PTPRM: variants seen among roughly 807,000 people sequenced by gnomAD.
PTPRM encodes protein tyrosine phosphatase receptor type M.
In PTPRM, 47 loss-of-function variants were observed where a neutral mutation model predicts 186.7. That is an observed-to-expected ratio of 0.25 (90% CI 0.20 to 0.32). The LOEUF is 0.32. PTPRM is among the 10% of genes least tolerant of loss of function. PTPRM has a pLI of 1.00. For missense variants in PTPRM, 1,494 were observed against 1,865.0 expected (o/e 0.80, Z 3.66); for synonymous variants, 668 against 674.9 (o/e 0.99, Z 0.16).
chr18:8,143,656 C>G lies in PTPRM; in HGVS notation c.2177C>G (p.Thr726Ser), dbSNP rs1371038531. The stretch of plus-strand genomic sequence containing the variant: ...TTCCTTTCATCTTCAGGAGCTGCCA[C>G]TCCGAAACCAGTCCCAGAACCCGAG... ...CVQVATKGAA[T>S]PKPVPEPEKQ... The change falls in exon 14 of 33, where the codon ACT becomes AGT. Residue 726 changes from threonine to serine, a missense_variant. By Grantham distance (58) the Thr-to-Ser change is moderately conservative. Coordinates refer to ENST00000580170, the MANE Select transcript of PTPRM (RefSeq NM_001105244.2). 1 of 1,598,074 alleles carries G rather than the reference C, an allele frequency of 6.3e-7. No individual in the cohort carries two copies. Among genetic ancestry groups the G allele is most frequent in the Non-Finnish European group, 8.6e-7 (1 of 1,165,590 alleles).
At chr18:7,629,990 A>G (rs911056424) in intron 1 of PTPRM, among the ~76,000 whole-genome samples, 1 of 152,068 alleles carries the variant, frequency 6.6e-6, no homozygotes, top group Non-Finnish European at 1.5e-5. Context: ...AGACCAGATC[A>G]TGGGGATAAG....
intron 2 of PTPRM, among the ~76,000 whole-genome samples, chr18:7,810,731 A>G (rs972164656): frequency 2.0e-5 from 3 of 152,202 alleles, no homozygotes; most frequent in Admixed American, 2.0e-4. Context: ...TGTCTCATGT[A>G]TGTAACCTTT....
At chr18:7,907,602 C>T (rs2050056491) in intron 4 of PTPRM, among the ~76,000 whole-genome samples, 1 of 152,130 alleles carries the variant, frequency 6.6e-6, no homozygotes, top group African/African-American at 2.4e-5. Context: ...GGGGGATAGT[C>T]AGGGTGAGCG....
intron 4 of PTPRM, among the ~76,000 whole-genome samples, chr18:7,918,925 G>A (rs980870825): frequency 6.6e-6 from 1 of 152,136 alleles, no homozygotes; most frequent in Admixed American, 6.5e-5. Flanking sequence ...ATAGCTTCAG[G>A]TCCTAGATTT....
intron 5 of PTPRM, among the ~76,000 whole-genome samples, chr18:7,936,338 C>A (rs1217090806): frequency 1.3e-5 from 2 of 152,230 alleles, no homozygotes; most frequent in South Asian, 2.1e-4. Flanking sequence ...CAGGAAGACA[C>A]CCCTGCACCT....
intron 1 of PTPRM, among the ~76,000 whole-genome samples, chr18:7,693,908 T>G (rs1248765003): frequency 6.6e-6 from 1 of 152,098 alleles, no homozygotes; most frequent in African/African-American, 2.4e-5. Context: ...GAGATAGGAC[T>G]GGCGTTTTCA....
At chr18:7,844,221 G>T (rs539555046) in intron 2 of PTPRM, among the ~76,000 whole-genome samples, 7 of 152,128 alleles carry the variant, frequency 4.6e-5, no homozygotes, top group Non-Finnish European at 8.8e-5. Context: ...CCATGATTGC[G>T]AAATACAATG....
intron 1 of PTPRM, among the ~76,000 whole-genome samples, chr18:7,690,200 A>G (rs1383922294): frequency 1.3e-5 from 2 of 152,252 alleles, no homozygotes; most frequent in African/African-American, 4.8e-5. Context: ...AGAAGAGCAC[A>G]TGTAAATACA....
intron 3 of PTPRM, among the ~76,000 whole-genome samples, chr18:7,895,012 T>C (rs1285094494): frequency 6.6e-6 from 1 of 152,242 alleles, no homozygotes; most frequent in African/African-American, 2.4e-5. Context: ...GATTAATGAA[T>C]TCTTTTAAAG....
intron 20 of PTPRM, among the ~76,000 whole-genome samples, chr18:8,305,639 A>G (rs2095213552): frequency 6.6e-6 from 1 of 152,192 alleles, no homozygotes; most frequent in Non-Finnish European, 1.5e-5. Context: ...ACTACACAGA[A>G]ATAGGGATAG....
chr18:7,894,973 A>C (rs2049276217), intron 3 of PTPRM, among the ~76,000 whole-genome samples: 2 of 152,230 alleles, frequency 1.3e-5, no homozygotes, highest in African/African-American at 4.8e-5. Context: ...ATTTCACACT[A>C]GTAAGTAGTT....
intron 17 of PTPRM, among the ~76,000 whole-genome samples, chr18:8,250,077 A>G (rs984808830): frequency 6.6e-6 from 1 of 152,194 alleles, no homozygotes; most frequent in Non-Finnish European, 1.5e-5. Flanking sequence ...TTACACAAAG[A>G]CAACAAGAAA....
At chr18:7,606,594 CAGTCACATATACTGCACATT>C (rs1318944606) in intron 1 of PTPRM, among the ~76,000 whole-genome samples, 1 of 152,118 alleles carries the variant, frequency 6.6e-6, no homozygotes, top group Non-Finnish European at 1.5e-5. Context: ...CATAAGCACA[CAGTCACATATACTGCACATT>C]AGATAGAGCG....
intron 7 of PTPRM, among the ~76,000 whole-genome samples, chr18:8,030,852 A>C (rs2085919027): frequency 6.6e-6 from 1 of 152,208 alleles, no homozygotes; most frequent in African/African-American, 2.4e-5. Flanking sequence ...TGTTTTATAT[A>C]AAAAATCACA....
chr18:7,996,633 A>C (rs1034643802), intron 7 of PTPRM, among the ~76,000 whole-genome samples: 1 of 152,138 alleles, frequency 6.6e-6, no homozygotes, highest in African/African-American at 2.4e-5. Flanking sequence ...TCTTATATTT[A>C]GAAATACCTT....
At chr18:7,967,896 A>G (rs2054256581) in intron 7 of PTPRM, among the ~76,000 whole-genome samples, 2 of 88,782 alleles carry the variant, frequency 2.3e-5, no homozygotes, top group East Asian at 2.6e-4. Flanking sequence ...GATATTATCC[A>G]GGAGAACTTC....
chr18:7,659,121 C>T (rs1183436405), intron 1 of PTPRM, among the ~76,000 whole-genome samples: 2 of 121,446 alleles, frequency 1.6e-5, no homozygotes, highest in Non-Finnish European at 3.3e-5. Flanking sequence ...TGTATGTACA[C>T]ACACACACAC....
chr18:8,240,658 AAAG>A lies in PTPRM; in HGVS notation c.2301-3397_2301-3395del, dbSNP rs1352299473. Among the ~76,000 whole-genome samples the A allele has an allele frequency of 1.0e-4, 3 of 29,072 alleles. No homozygotes were observed. In the Admixed American group the frequency reaches 1.1e-3, roughly 10 times the overall value. The allele number at this position is 29,072 out of a possible 152,430, so 19.1% of individuals were successfully genotyped here. ...GAGAGAGAGAGAGAGAGAGAGAAAG[AAAG>A]AAAGAAAGAAAGAAAGAAAAAGAAA... On this transcript the variant is annotated intron_variant, in intron 14 of 32. Transcript: ENST00000580170.
chr18:8,384,803 T>A, intron 30 of PTPRM, 117 bp downstream of exon 30: 9 of 1,325,644 alleles, frequency 6.8e-6, no homozygotes, highest in Admixed American at 6.4e-5. Context: ...AGTATGTCAG[T>A]GAACCAAAAA....
Sources: allele counts gnomAD v4.1 joint callset (sites outside exome capture counted in the v4.1 genomes callset), GRCh38; gene constraint gnomAD v4.1.1; transcripts MANE v1.5; gene names NCBI Gene and HGNC (gene_info 2026-07-23, HGNC 2026-07-21).